Variants in GNAT3 observed in about 807,000 individuals in gnomAD.
The protein encoded by GNAT3 is G protein subunit alpha transducin 3.
A neutral mutation model predicts 37.7 loss-of-function variants in GNAT3; 31 were observed. The observed-to-expected ratio is 0.82, with a 90% CI of 0.62 to 1.11. The LOEUF (loss-of-function observed/expected upper bound fraction) is 1.11. GNAT3 is among the 50% of genes most tolerant of loss of function. The probability of loss-of-function intolerance (pLI) is 0.00; values close to 1 mark genes in which losing one functional copy is unlikely to be tolerated. For missense variants in GNAT3, 437 were observed against 412.5 expected (o/e 1.06, Z -0.51); for synonymous variants, 138 against 139.8 (o/e 0.99, Z 0.09).
At chr7:80,506,804 T>C (rs904524262) in intron 1 of GNAT3, among the ~76,000 whole-genome samples, 2 of 152,160 alleles carry the variant, frequency 1.3e-5, no homozygotes, top group Non-Finnish European at 2.9e-5. Flanking sequence ...CATTTTGAAA[T>C]ATATATACAT....
intron 2 of GNAT3, among the ~76,000 whole-genome samples, 166 bp from the exon 3 acceptor site, chr7:80,488,842 A>G (rs1373605999): frequency 6.6e-6 from 1 of 152,136 alleles, no homozygotes; most frequent in Non-Finnish European, 1.5e-5. Context: ...TTGGACTTTT[A>G]TTATCATTGT....
At chr7:80,470,271 G>C (rs978610231) in intron 5 of GNAT3, among the ~76,000 whole-genome samples, 2 of 151,596 alleles carry the variant, frequency 1.3e-5, no homozygotes, top group Non-Finnish European at 2.9e-5. Flanking sequence ...ACCCAGGCTA[G>C]AGCGCAGTGG....
chr7:80,494,310 A>G (rs12536759), intron 2 of GNAT3, among the ~76,000 whole-genome samples: 18,060 of 152,210 alleles, frequency 0.12, 1,244 homozygotes, highest in African/African-American at 0.19. Flanking sequence ...TTTACCGTTA[A>G]TGATCAGATT....
At chr7:80,484,259 A>G (rs1562726348) in intron 3 of GNAT3, among the ~76,000 whole-genome samples, 1 of 152,162 alleles carries the variant, frequency 6.6e-6, no homozygotes, top group Non-Finnish European at 1.5e-5. Flanking sequence ...CATGAAAAAA[A>G]TATCAAAAGA....
At chr7:80,503,198 G>C (rs932217165) in intron 1 of GNAT3, among the ~76,000 whole-genome samples, 1 of 152,004 alleles carries the variant, frequency 6.6e-6, no homozygotes, top group African/African-American at 2.4e-5. Flanking sequence ...ACATGCAAAG[G>C]TATACCTGTG....
At chr7:80,493,002 A>G (rs1383591327) in intron 2 of GNAT3, among the ~76,000 whole-genome samples, 1 of 151,978 alleles carries the variant, frequency 6.6e-6, no homozygotes, top group Non-Finnish European at 1.5e-5. Context: ...TGGGAAGCTT[A>G]TTGTTTTACT....
At chr7:80,484,701 G>A (rs1035780849) in intron 3 of GNAT3, among the ~76,000 whole-genome samples, 1 of 151,692 alleles carries the variant, frequency 6.6e-6, no homozygotes, top group Admixed American at 6.6e-5. Flanking sequence ...TTGTTACATA[G>A]GTAACAAAAA....
intron 4 of GNAT3, 31 bp downstream of exon 4, chr7:80,478,810 C>T (rs1437098113): frequency 5.6e-6 from 9 of 1,594,890 alleles, no homozygotes; most frequent in Admixed American, 5.1e-5. Flanking sequence ...AATGTTTTAC[C>T]TCCAATTCCC....
intron 3 of GNAT3, among the ~76,000 whole-genome samples, chr7:80,479,985 A>G (rs2116173832): frequency 1.3e-5 from 2 of 152,278 alleles, no homozygotes; most frequent in South Asian, 2.1e-4. Flanking sequence ...CTGTTGGGAT[A>G]ACATTTGGAG....
intron 7 of GNAT3, among the ~76,000 whole-genome samples, chr7:80,459,443 GA>G (rs552123289): frequency 5.5e-4 from 83 of 152,260 alleles, no homozygotes; most frequent in Admixed American, 3.5e-3. Context: ...TTATGGGCTA[GA>G]TTATAGACTA....
chr7:80,461,925 C>T (rs1790057131), intron 7 of GNAT3, among the ~76,000 whole-genome samples: 1 of 152,144 alleles, frequency 6.6e-6, no homozygotes, highest in Admixed American at 6.5e-5. Flanking sequence ...AGAGTAGCAA[C>T]CCTGGTCCAT....
chr7:80,476,555 A>G (rs1340376643), intron 4 of GNAT3, among the ~76,000 whole-genome samples: 1 of 151,188 alleles, frequency 6.6e-6, no homozygotes, highest in African/African-American at 2.4e-5. Context: ...CAACTATGGC[A>G]TTCCTTTCCC....
Position 80,462,170 on chromosome 7 carries a change from G to C in GNAT3, c.863C>G (p.Pro288Arg). 6.4e-7 allele frequency: 1 copy of C among 1,564,436 alleles called. No individual in the cohort carries two copies. The highest frequency in any genetic ancestry group is 1.4e-5 in the African/African-American group (1 of 73,888). ...VTKVHLSICF[P>R]EYTGPNTFED... Reference sequence around the variant, plus strand: ...GAAAAAAATCTTACCAGTGTATTCTGGAAAGCAGATACTAAGATGCACCTT... The same window carrying C: ...GAAAAAAATCTTACCAGTGTATTCTCGAAAGCAGATACTAAGATGCACCTT... The change falls in exon 7 of 8, where the codon CCA becomes CGA. Residue 288 changes from proline (P) to arginine (R), a missense_variant. Coordinates refer to ENST00000398291, the MANE Select transcript of GNAT3 (RefSeq NM_001102386.3).
intron 3 of GNAT3, among the ~76,000 whole-genome samples, chr7:80,480,004 CA>C (rs1299805018): frequency 1.3e-5 from 2 of 151,920 alleles, no homozygotes; most frequent in African/African-American, 4.8e-5. Context: ...AGGTTACCAG[CA>C]AAGAAGGAAA....
At chr7:80,460,804 C>G (rs1264444766) in intron 7 of GNAT3, among the ~76,000 whole-genome samples, 1 of 151,754 alleles carries the variant, frequency 6.6e-6, no homozygotes, top group Non-Finnish European at 1.5e-5. Flanking sequence ...AATATCAATT[C>G]ATCAATATAA....
At chr7:80,470,788 T>C (rs1790201231) in intron 5 of GNAT3, among the ~76,000 whole-genome samples, 1 of 152,148 alleles carries the variant, frequency 6.6e-6, no homozygotes, top group African/African-American at 2.4e-5. Flanking sequence ...AGTCCTATTG[T>C]AAGAATAAAA....
chr7:80,491,069 G>A (rs1790581908), intron 2 of GNAT3, among the ~76,000 whole-genome samples: 1 of 152,094 alleles, frequency 6.6e-6, no homozygotes, highest in Non-Finnish European at 1.5e-5. Flanking sequence ...ATCAGTTCAT[G>A]GCAGTGTGGA....
chr7:80,501,176 ATTGT>A (rs1384734667), intron 1 of GNAT3, among the ~76,000 whole-genome samples: 4 of 152,166 alleles, frequency 2.6e-5, no homozygotes, highest in South Asian at 2.1e-4. Flanking sequence ...AAAAAAACAC[ATTGT>A]TTATTTTTCC....
intron 3 of GNAT3, among the ~76,000 whole-genome samples, chr7:80,479,945 T>G (rs1276361746): frequency 6.6e-6 from 1 of 152,126 alleles, no homozygotes; most frequent in Non-Finnish European, 1.5e-5. Context: ...GAGAGTTTTT[T>G]ATGCAAAGCA....
Sources: allele counts gnomAD v4.1 joint callset (sites outside exome capture counted in the v4.1 genomes callset), GRCh38; gene constraint gnomAD v4.1.1; transcripts MANE v1.5; gene names NCBI Gene and HGNC (gene_info 2026-07-23, HGNC 2026-07-21).